Variants in SNTB1 observed in about 807,000 individuals in gnomAD.
The protein encoded by SNTB1 is beta-1-syntrophin.
A neutral mutation model predicts 48.9 loss-of-function variants in SNTB1; 36 were observed. That is an observed-to-expected ratio of 0.74 (90% CI 0.56 to 0.97). The LOEUF (loss-of-function observed/expected upper bound fraction) is 0.97, where lower values mean the gene tolerates loss of function less well. Among genes scored for constraint, SNTB1 ranks in the 50% least tolerant of loss-of-function variants. The pLI is 0.00. For missense variants in SNTB1, 786 were observed against 703.4 expected, an observed-to-expected ratio of 1.12 and a Z score of -1.33; for synonymous variants, 299 against 294.6, an observed-to-expected ratio of 1.01 and a Z score of -0.15.
intron 2 of SNTB1, among the ~76,000 whole-genome samples, chr8:120,640,216 G>A (rs946502262): frequency 3.3e-5 from 5 of 152,080 alleles, no homozygotes; most frequent in Admixed American, 6.6e-5. Flanking sequence ...TGTGATTTTT[G>A]CACATTGATT....
At chr8:120,547,094 C>T (rs1029693947) in intron 5 of SNTB1, among the ~76,000 whole-genome samples, 1 of 152,022 alleles carries the variant, frequency 6.6e-6, no homozygotes, top group East Asian at 1.9e-4. Context: ...GAATTTGCTT[C>T]CTGATTTGTC....
intron 2 of SNTB1, among the ~76,000 whole-genome samples, chr8:120,649,388 C>G (rs571531303): frequency 0.23 from 27,891 of 122,636 alleles, 2,267 homozygotes; most frequent in Middle Eastern, 0.34. Context: ...TTCTAACAGA[C>G]AGGACCCTCA....
intron 3 of SNTB1, among the ~76,000 whole-genome samples, chr8:120,597,938 C>T (rs1429885117): frequency 6.6e-6 from 1 of 152,200 alleles, no homozygotes; most frequent in Non-Finnish European, 1.5e-5. Context: ...AAATTTAAAA[C>T]AGAACATACA....
At chr8:120,615,524 T>G (rs1816699138) in intron 3 of SNTB1, among the ~76,000 whole-genome samples, 1 of 152,184 alleles carries the variant, frequency 6.6e-6, no homozygotes, top group Non-Finnish European at 1.5e-5. Flanking sequence ...CCACAGGGCT[T>G]CATGGTTGTC....
chr8:120,723,475 G>A (rs910166061), intron 1 of SNTB1, among the ~76,000 whole-genome samples: 3 of 151,854 alleles, frequency 2.0e-5, no homozygotes, highest in African/African-American at 4.8e-5. Flanking sequence ...GAGTGTGATT[G>A]GCATTATTTC....
chr8:120,611,340 C>T (rs1033410441), intron 3 of SNTB1, among the ~76,000 whole-genome samples: 2 of 102,118 alleles, frequency 2.0e-5, no homozygotes, highest in Admixed American at 2.0e-4. Flanking sequence ...TGGCAAATAG[C>T]AATTAGAAGC....
At chr8:120,706,960 C>T (rs561314492) in intron 1 of SNTB1, among the ~76,000 whole-genome samples, 11 of 152,158 alleles carry the variant, frequency 7.2e-5, no homozygotes, top group African/African-American at 2.4e-4. Flanking sequence ...CACCTTACTC[C>T]GAATATGCTG....
At chr8:120,594,591 C>G (rs1239735549) in intron 3 of SNTB1, among the ~76,000 whole-genome samples, 1 of 152,182 alleles carries the variant, frequency 6.6e-6, no homozygotes, top group Non-Finnish European at 1.5e-5. Context: ...TTAGGCTGGT[C>G]TGGAATTCCT....
Position 120,697,437 on chromosome 8 carries a change from T to C in SNTB1, c.572-3529A>G, listed in dbSNP as rs1195432146. Among the ~76,000 whole-genome samples, 3 of 152,268 alleles carry C rather than the reference T, an allele frequency of 2.0e-5. No homozygotes were observed. The East Asian group carries it at 5.8e-4, about 29-fold the overall frequency. On this transcript the variant is annotated intron_variant, in intron 1 of 6. Coordinates refer to ENST00000517992, the MANE Select transcript of SNTB1 (RefSeq NM_021021.4). Reference sequence around the variant, plus strand: ...GCTAAGAACAGTGCTGTCCATGAGGTATAATAAGAAATGGTCCATGATTAG... The same window carrying C: ...GCTAAGAACAGTGCTGTCCATGAGGCATAATAAGAAATGGTCCATGATTAG...
Position 120,632,596 on chromosome 8 carries a change from C to T in SNTB1, c.844G>A (p.Asp282Asn). The T allele has an allele frequency of 6.2e-7, 1 of 1,614,072 alleles. No individual in the cohort carries two copies. Among genetic ancestry groups the T allele is most frequent in the East Asian group, 2.2e-5 (1 of 44,878 alleles). Reference sequence around the variant, plus strand: ...AACCATGCCTGGGCCGTGGCTGAGTCCTTGCTCCTTAGGATCACCGTGTGC... The same window carrying T: ...AACCATGCCTGGGCCGTGGCTGAGTTCTTGCTCCTTAGGATCACCGTGTGC... ...AKHTVILRSK[D>N]SATAQAWFSA... Residue 282 changes from aspartate (D) to asparagine (N), a missense_variant, in exon 3 of 7, where the codon GAC becomes AAC. Physicochemically the swap from Asp to Asn is conservative, Grantham distance 23. Transcript: ENST00000517992.
intron 3 of SNTB1, among the ~76,000 whole-genome samples, chr8:120,603,723 G>A (rs954984610): frequency 3.9e-5 from 6 of 152,148 alleles, no homozygotes; most frequent in African/African-American, 1.4e-4. Context: ...GGAAACTGCT[G>A]GGTCCTATGT....
chr8:120,604,575 C>T (rs1227061788), intron 3 of SNTB1, among the ~76,000 whole-genome samples: 1 of 151,782 alleles, frequency 6.6e-6, no homozygotes, highest in Non-Finnish European at 1.5e-5. Context: ...CTCAGCCTCT[C>T]AGGTAGCTGG....
intron 1 of SNTB1, among the ~76,000 whole-genome samples, chr8:120,713,510 T>C (rs781690229): frequency 2.0e-5 from 3 of 152,128 alleles, no homozygotes; most frequent in East Asian, 1.9e-4. Flanking sequence ...GGTGGGTGGA[T>C]TGCGAGGTCA....
chr8:120,542,266 T>C, intron 5 of SNTB1: 1 of 340,852 alleles, frequency 2.9e-6, no homozygotes, highest in Non-Finnish European at 5.3e-6. Context: ...GTTCTAGTCC[T>C]TATCCAGCCA....
chr8:120,683,014 T>A (rs1346953219), intron 2 of SNTB1, among the ~76,000 whole-genome samples: 1 of 151,396 alleles, frequency 6.6e-6, no homozygotes, highest in South Asian at 2.1e-4. Context: ...CCCGAGTAGC[T>A]GGGACTACAG....
chr8:120,807,457 G>T (rs1820353828), intron 1 of SNTB1, among the ~76,000 whole-genome samples: 1 of 152,196 alleles, frequency 6.6e-6, no homozygotes, highest in Admixed American at 6.5e-5. Flanking sequence ...CTTAAAATGA[G>T]AAATGAGCTT....
intron 2 of SNTB1, chr8:120,636,019 A>C: frequency 1.0e-6 from 1 of 996,968 alleles, no homozygotes; most frequent in South Asian, 1.9e-5. Context: ...ATCTTTTGCA[A>C]GATGGCTACT....
At chr8:120,577,984 G>A (rs1815977591) in intron 3 of SNTB1, among the ~76,000 whole-genome samples, 1 of 152,144 alleles carries the variant, frequency 6.6e-6, no homozygotes, top group African/African-American at 2.4e-5. Context: ...CTGCCTATGG[G>A]GACAAACAAC....
chr8:120,650,991 T>C (rs1260846998), intron 2 of SNTB1, among the ~76,000 whole-genome samples: 1 of 152,228 alleles, frequency 6.6e-6, no homozygotes, highest in African/African-American at 2.4e-5. Context: ...TCTTTATCTG[T>C]AGAATGCCTC....
Sources: gnomAD v4.1 joint callset for allele counts (sites outside exome capture counted in the v4.1 genomes callset) on GRCh38, gnomAD v4.1.1 for gene constraint, MANE v1.5 for transcripts, NCBI Gene and HGNC (gene_info 2026-07-23, HGNC 2026-07-21) for gene names.